CSMD1: variants seen among roughly 807,000 people sequenced by gnomAD.
CSMD1 encodes the protein CUB and Sushi multiple domains 1, also known as CUB and sushi domain-containing protein 1.
A neutral mutation model predicts 417.5 loss-of-function variants in CSMD1; 213 were observed. The observed-to-expected ratio is 0.51, with a 90% CI of 0.46 to 0.57. CSMD1 has a LOEUF of 0.57. Among genes scored for constraint, CSMD1 ranks in the 20% least tolerant of loss-of-function variants. The probability of loss-of-function intolerance (pLI) is 0.00; values close to 1 mark genes in which losing one functional copy is unlikely to be tolerated. For synonymous variants in CSMD1, 2,862 were observed against 1,736.8 expected (o/e 1.65, Z -16.11); for missense variants, 6,923 against 4,529.7 (o/e 1.53, Z -15.17).
chr8:4,748,080 T>G (rs930834638), intron 1 of CSMD1, among the ~76,000 whole-genome samples: 3 of 152,164 alleles, frequency 2.0e-5, no homozygotes, highest in South Asian at 2.1e-4. Flanking sequence ...CCACCCTCTG[T>G]TGAAATATGA....
intron 1 of CSMD1, among the ~76,000 whole-genome samples, chr8:4,909,699 G>A (rs759482631): frequency 3.9e-5 from 6 of 152,124 alleles, no homozygotes; most frequent in Non-Finnish European, 7.4e-5. Flanking sequence ...TCACACCACT[G>A]CTTCCAGCAG....
chr8:4,724,038 G>T (rs976989951), intron 1 of CSMD1, among the ~76,000 whole-genome samples: 2 of 152,076 alleles, frequency 1.3e-5, no homozygotes, highest in African/African-American at 4.8e-5. Context: ...ATCAATCACT[G>T]AATGATTCTT....
chr8:4,927,382 A>C (rs1218162686), intron 1 of CSMD1, among the ~76,000 whole-genome samples: 2 of 152,060 alleles, frequency 1.3e-5, no homozygotes. Flanking sequence ...ATCTAATCTT[A>C]GTATAAATCC....
chr8:4,086,706 C>G (rs531516383), intron 3 of CSMD1, among the ~76,000 whole-genome samples: 10 of 152,282 alleles, frequency 6.6e-5, no homozygotes, highest in African/African-American at 2.4e-4. Flanking sequence ...CTTCAGGTAC[C>G]CAGGTAGATA....
chr8:4,140,395 G>C (rs778311444), intron 3 of CSMD1, among the ~76,000 whole-genome samples: 1 of 150,950 alleles, frequency 6.6e-6, no homozygotes, highest in African/African-American at 2.5e-5. Flanking sequence ...CTACTTCGGA[G>C]CCTGAAGCAG....
chr8:3,341,822 T>C (rs1397482689), intron 23 of CSMD1, among the ~76,000 whole-genome samples: 2 of 152,214 alleles, frequency 1.3e-5, no homozygotes, highest in African/African-American at 4.8e-5. Context: ...CAAGTATCTG[T>C]GTTCCTCTAA....
At chr8:3,808,349 G>A (rs1022618651) in intron 5 of CSMD1, among the ~76,000 whole-genome samples, 1 of 152,022 alleles carries the variant, frequency 6.6e-6, no homozygotes, top group Admixed American at 6.6e-5. Flanking sequence ...GGAAATGTTT[G>A]GGTCTTGGTA....
In CSMD1 at chr8:3,962,129, G is replaced by A. The variant is rs150107861; in HGVS notation, c.818+35774C>T. On this transcript the variant is annotated intron_variant, in intron 5 of 69. Coordinates refer to ENST00000635120, the MANE Select transcript of CSMD1 (RefSeq NM_033225.6). ...GCCAGGACCTTCCTCCTCTTTCTGTGTCCAGCCCACACCTGAGCACCTACT... is the reference window on the plus strand; with the variant it reads ...GCCAGGACCTTCCTCCTCTTTCTGTATCCAGCCCACACCTGAGCACCTACT... Among the ~76,000 whole-genome samples, 5 of 152,234 alleles carry A rather than the reference G, an allele frequency of 3.3e-5. No individual in the cohort carries two copies. In the East Asian group the frequency reaches 5.8e-4, roughly 18 times the overall value.
chr8:3,753,067 G>A (rs564011886), intron 6 of CSMD1, among the ~76,000 whole-genome samples: 1 of 152,328 alleles, frequency 6.6e-6, no homozygotes, highest in Admixed American at 6.5e-5. Context: ...CAGCATGGAG[G>A]ATGCTGTAAT....
At chr8:4,309,974 T>C (rs1236925380) in intron 3 of CSMD1, among the ~76,000 whole-genome samples, 2 of 152,184 alleles carry the variant, frequency 1.3e-5, no homozygotes, top group Non-Finnish European at 2.9e-5. Flanking sequence ...ACATAGTGCT[T>C]TATTTTCACA....
chr8:3,952,603 G>A (rs1228691673), intron 5 of CSMD1, among the ~76,000 whole-genome samples: 1 of 152,128 alleles, frequency 6.6e-6, no homozygotes, highest in East Asian at 1.9e-4. Context: ...CAGGGAGAGA[G>A]GAGAATGGAA....
chr8:4,393,011 T>A (rs947158039), intron 3 of CSMD1, among the ~76,000 whole-genome samples: 3 of 152,106 alleles, frequency 2.0e-5, no homozygotes, highest in Non-Finnish European at 4.4e-5. Flanking sequence ...AGTGTCACTC[T>A]GTCATCCAGG....
chr8:3,943,000 C>A (rs1274063113), intron 5 of CSMD1, among the ~76,000 whole-genome samples: 9 of 151,960 alleles, frequency 5.9e-5, no homozygotes, highest in African/African-American at 2.2e-4. Flanking sequence ...AAGGGGAGGT[C>A]TAAATTATTA....
At position 4,465,330 on chromosome 8, in the gene CSMD1, G is replaced by A. The variant is rs75195506; in HGVS notation, c.303-45265C>T. Among the ~76,000 whole-genome samples, 1,032 of 152,180 alleles carry A rather than the reference G, an allele frequency of 6.8e-3. 9 individuals carry two copies. The highest frequency in any genetic ancestry group is 0.024 in the African/African-American group (981 of 41,542). On this transcript the variant is annotated intron_variant, in intron 2 of 69. Coordinates refer to ENST00000635120, the MANE Select transcript of CSMD1 (RefSeq NM_033225.6). ...TCTTGGTGAAGATGACGGTCCCTGTGCTTGCAAAAAGTGTACATCAGTACA... is the reference window on the plus strand; with the variant it reads ...TCTTGGTGAAGATGACGGTCCCTGTACTTGCAAAAAGTGTACATCAGTACA...
intron 26 of CSMD1, among the ~76,000 whole-genome samples, 175 bp downstream of exon 26, chr8:3,283,969 C>G (rs1414310494): frequency 1.3e-5 from 2 of 152,222 alleles, no homozygotes; most frequent in African/African-American, 2.4e-5. Context: ...CAGCCATGAA[C>G]CCAGCAATGG....
chr8:4,043,220 A>G (rs1003921766), intron 3 of CSMD1, among the ~76,000 whole-genome samples: 4 of 152,242 alleles, frequency 2.6e-5, no homozygotes, highest in Non-Finnish European at 5.9e-5. Context: ...GTCACCACTA[A>G]AATAGCAAAG....
intron 5 of CSMD1, among the ~76,000 whole-genome samples, chr8:3,837,929 C>G (rs891830637): frequency 9.9e-5 from 15 of 152,022 alleles, no homozygotes; most frequent in East Asian, 1.9e-4. Flanking sequence ...TACTGTTTTT[C>G]AAATAAATGT....
chr8:3,763,785 A>G (rs886545902), intron 5 of CSMD1, among the ~76,000 whole-genome samples: 1 of 152,192 alleles, frequency 6.6e-6, no homozygotes, highest in Non-Finnish European at 1.5e-5. Flanking sequence ...CCAGGGCTCC[A>G]TATTCTCAGA....
In CSMD1 at chr8:4,420,102, G is replaced by C. The variant is rs78381095; in HGVS notation, c.303-37C>G. On this transcript the variant is annotated intron_variant, in intron 2 of 69. Coordinates refer to ENST00000635120, the MANE Select transcript of CSMD1 (RefSeq NM_033225.6). ...AGACAAGACACAAAGAGAGTTAAAA[G>C]CATGAATTTGTCAAAAAAAGCTTAT... 4.0e-4 allele frequency: 572 copies of C among 1,443,906 alleles called. 6 individuals carry two copies. In the African/African-American group the frequency reaches 8.0e-3, roughly 20 times the overall value. 89.4% of individuals were successfully genotyped at this position (1,443,906 alleles called of 1,614,324 possible).
Sources: allele counts gnomAD v4.1 joint callset (sites outside exome capture counted in the v4.1 genomes callset), GRCh38; gene constraint gnomAD v4.1.1; transcripts MANE v1.5; gene names NCBI Gene and HGNC (gene_info 2026-07-23, HGNC 2026-07-21).